Variants in ACOD1 observed in about 807,000 individuals in gnomAD.
The protein encoded by ACOD1 is cis-aconitate decarboxylase.
A neutral mutation model predicts 14.2 loss-of-function variants in ACOD1; 14 were observed. The ratio of observed to expected loss-of-function variants is 0.99; its 90% CI spans 0.65 to 1.54. The LOEUF is 1.54. Among genes scored for constraint, ACOD1 ranks in the 40% most tolerant of loss-of-function variants. The pLI is 0.00. For synonymous variants in ACOD1, 182 were observed against 221.7 expected (o/e 0.82, Z 1.59); for missense variants, 530 against 586.3 (o/e 0.90, Z 0.99).
chr13:76,957,439 G>A lies in ACOD1; in HGVS notation c.900G>A (p.Leu300=). 1 of 1,550,644 alleles carries A rather than the reference G, an allele frequency of 6.4e-7. No homozygotes were observed. Among genetic ancestry groups the A allele is most frequent in the East Asian group, 2.4e-5 (1 of 40,928 alleles). ...AGCACCTTGTAGCAGAGAGAGCCCT[G>A]CTTCCAACTGACTACATTAAGAGAA... ...VRKHLVAERA[L]LPTDYIKRIV... The change falls in exon 5 of 5, where the codon CTG becomes CTA. Residue 300 remains leucine (L), a synonymous_variant. Coordinates refer to ENST00000377462, the MANE Select transcript of ACOD1 (RefSeq NM_001258406.2).
chr13:76,952,381 G>T, intron 1 of ACOD1, 108 bp from the exon 2 acceptor site: 11 of 881,332 alleles, frequency 1.2e-5, no homozygotes, highest in Non-Finnish European at 1.8e-5. Flanking sequence ...TGGGTTTCTT[G>T]TAGTGGAGCA....
In ACOD1 at chr13:76,955,364, C is replaced by T; in HGVS notation, c.310C>T (p.Pro104Ser). The T allele has an allele frequency of 6.4e-7, 1 of 1,550,598 alleles. No individual in the cohort carries two copies. Among genetic ancestry groups the T allele is most frequent in the Non-Finnish European group, 8.7e-7 (1 of 1,146,994 alleles). Residue 104 changes from proline to serine, a missense_variant, in exon 4 of 5, where the codon CCT becomes TCT. Physicochemically the swap from Pro to Ser is moderately conservative, Grantham distance 74. Coordinates refer to ENST00000377462, the MANE Select transcript of ACOD1 (RefSeq NM_001258406.2). The part of the protein sequence containing the change: ...FDDTWHPATH[P>S]SGAVLPVLTA... The stretch of plus-strand genomic sequence containing the variant: ...TGACACGTGGCACCCTGCCACCCAC[C>T]CTTCTGGGGCTGTCCTTCCTGTCCT...
At chr13:76,949,908 A>T (rs866648564) in intron 1 of ACOD1, among the ~76,000 whole-genome samples, 114 of 152,198 alleles carry the variant, frequency 7.5e-4, no homozygotes, top group Middle Eastern at 6.8e-3. Flanking sequence ...TTCCACCCTA[A>T]TCTGAAACCT....
chr13:76,955,339 T>A lies in ACOD1; in HGVS notation c.285T>A (p.Asp95Glu). 1 of 1,550,466 alleles carries A rather than the reference T, an allele frequency of 6.4e-7. No individual in the cohort carries two copies. Among genetic ancestry groups the A allele is most frequent in the South Asian group, 1.2e-5 (1 of 84,060 alleles). Residue 95 changes from aspartate (D) to glutamate (E), a missense_variant, in exon 4 of 5, where the codon GAT becomes GAA. Coordinates refer to ENST00000377462, the MANE Select transcript of ACOD1 (RefSeq NM_001258406.2). ...NGVAIHSMDF[D>E]DTWHPATHPS... ...TACAGATTCACTCCATGGATTTTGATGACACGTGGCACCCTGCCACCCACC... is the reference window on the plus strand; with the variant it reads ...TACAGATTCACTCCATGGATTTTGAAGACACGTGGCACCCTGCCACCCACC...
intron 3 of ACOD1, among the ~76,000 whole-genome samples, chr13:76,955,006 T>C (rs1193418835): frequency 6.6e-6 from 1 of 151,548 alleles, no homozygotes; most frequent in Non-Finnish European, 1.5e-5. Context: ...GGGCACCTGT[T>C]ATCCCAGCTG....
Position 76,957,181 on chromosome 13 carries a change from T to G in ACOD1, c.642T>G (p.Ala214=), listed in dbSNP as rs924868351. The G allele has an allele frequency of 1.9e-6, 3 of 1,550,548 alleles. No individual in the cohort carries two copies. In the African/African-American group the frequency reaches 4.1e-5, roughly 21 times the overall value. ...CCAAGCCCCTCCACATTGGCAATGCTGCCAAGCATGGGATAGAAGCTGCAT... is the reference window on the plus strand; with the variant it reads ...CCAAGCCCCTCCACATTGGCAATGCGGCCAAGCATGGGATAGAAGCTGCAT... The part of the protein sequence containing the change: ...TQTKPLHIGN[A]AKHGIEAAFL... The change falls in exon 5 of 5, where the codon GCT becomes GCG. Residue 214 remains alanine (A), a synonymous_variant. Coordinates refer to ENST00000377462, the MANE Select transcript of ACOD1 (RefSeq NM_001258406.2).
Position 76,958,521 on chromosome 13 carries a change from T to C in ACOD1, c.*536T>C, listed in dbSNP as rs1228074840. 1 of 152,562 alleles carries C rather than the reference T, an allele frequency of 6.6e-6. No homozygotes were observed. The highest frequency in any genetic ancestry group is 1.5e-5 in the Non-Finnish European group (1 of 68,352). The allele number at this position is 152,562 out of a possible 1,614,324, so 9.5% of individuals were successfully genotyped here. A position where few individuals can be genotyped will look rare whatever the true frequency, so the allele number is the denominator to read the frequency against. On this transcript the variant is annotated 3_prime_UTR_variant, in exon 5 of 5. Coordinates refer to ENST00000377462, the MANE Select transcript of ACOD1 (RefSeq NM_001258406.2). ...TAGCCCTCTGCCTCAGTTTCCCTAT[T>C]TGTCAAGCCGAAGTAAAAAGCAGTC...
Position 76,957,936 on chromosome 13 carries a change from T to C in ACOD1, c.1397T>C (p.Val466Ala), listed in dbSNP as rs1288984832. The C allele has an allele frequency of 3.2e-5, 50 of 1,547,734 alleles. No homozygotes were observed. Among genetic ancestry groups the C allele is most frequent in the Non-Finnish European group, 4.1e-5 (47 of 1,146,138 alleles). ...CTCAAAGGACCCTCTCCACCAGAGG[T>C]AGCTTCAAACTCTCCAGCATGTAAT... is the stretch of plus-strand genomic sequence containing the variant. ...TLLKGPSPPEVASNSPACNNS... is the reference protein window; with the variant it reads ...TLLKGPSPPEAASNSPACNNS... The change falls in exon 5 of 5, where the codon GTA (valine) becomes GCA (alanine). Residue 466 changes from valine (V) to alanine (A), a missense_variant. Transcript: ENST00000377462.
intron 1 of ACOD1, among the ~76,000 whole-genome samples, chr13:76,948,967 CAT>C (rs2033795740): frequency 6.6e-6 from 1 of 152,142 alleles, no homozygotes; most frequent in Non-Finnish European, 1.5e-5. Context: ...GTGCTGGACT[CAT>C]AGTAAGAACT....
chr13:76,949,136 A>G (rs1005629766), intron 1 of ACOD1, among the ~76,000 whole-genome samples: 17 of 152,024 alleles, frequency 1.1e-4, no homozygotes, highest in South Asian at 2.1e-4. Flanking sequence ...GCGTGGTGGC[A>G]GGCGCCCGTA....
At position 76,957,855 on chromosome 13, in the gene ACOD1, T is replaced by C; in HGVS notation, c.1316T>C (p.Ile439Thr). The C allele has an allele frequency of 6.4e-7, 1 of 1,551,114 alleles. No individual in the cohort carries two copies. The highest frequency in any genetic ancestry group is 8.7e-7 in the Non-Finnish European group (1 of 1,147,126). Residue 439 changes from isoleucine (I) to threonine (T), a missense_variant, in exon 5 of 5, where the codon ATA becomes ACA. By Grantham distance (89) the Ile-to-Thr change is moderately conservative. Coordinates refer to ENST00000377462, the MANE Select transcript of ACOD1 (RefSeq NM_001258406.2). ...MLSWDTVESL[I>T]KIVKNLEDLE... ...TCCTGGGACACAGTGGAAAGCCTTATAAAGATAGTCAAAAATCTAGAAGAC... is the reference window on the plus strand; with the variant it reads ...TCCTGGGACACAGTGGAAAGCCTTACAAAGATAGTCAAAAATCTAGAAGAC...
At chr13:76,956,288 G>A (rs1253001680) in intron 4 of ACOD1, among the ~76,000 whole-genome samples, 3 of 152,106 alleles carry the variant, frequency 2.0e-5, no homozygotes, top group Non-Finnish European at 2.9e-5. Flanking sequence ...TGCAACCTCC[G>A]CCTCCTGGGT....
At chr13:76,949,228 C>G (rs1171614607) in intron 1 of ACOD1, among the ~76,000 whole-genome samples, 1 of 151,914 alleles carries the variant, frequency 6.6e-6, no homozygotes, top group Non-Finnish European at 1.5e-5. Flanking sequence ...GATCGTGTCA[C>G]TGTACTCCAG....
chr13:76,955,065 T>C (rs1053527929), intron 3 of ACOD1, among the ~76,000 whole-genome samples: 2 of 143,288 alleles, frequency 1.4e-5, no homozygotes, highest in African/African-American at 5.3e-5. Flanking sequence ...AGGCAGAGGT[T>C]GCAGTGAGCC....
At position 76,958,355 on chromosome 13, in the gene ACOD1, G is replaced by A. The variant is rs773176510; in HGVS notation, c.*370G>A. On this transcript the variant is annotated 3_prime_UTR_variant, in exon 5 of 5. Coordinates refer to ENST00000377462, the MANE Select transcript of ACOD1 (RefSeq NM_001258406.2). ...ATTTTCTGACAGTGGAGAGGGCTCT[G>A]GTGCATTGTGTCACCAACAGATCTC... is the stretch of plus-strand genomic sequence containing the variant. 77 of 188,934 alleles carry A rather than the reference G, an allele frequency of 4.1e-4. No individual in the cohort carries two copies. Among genetic ancestry groups the A allele is most frequent in the Non-Finnish European group, 6.1e-4 (56 of 91,258 alleles). The allele number at this position is 188,934 out of a possible 1,614,324, so 11.7% of individuals were successfully genotyped here. A position where few individuals can be genotyped will look rare whatever the true frequency, so the allele number is the denominator to read the frequency against.
intron 1 of ACOD1, 127 bp downstream of exon 1, chr13:76,948,697 G>C (rs2033792785): frequency 1.4e-6 from 1 of 693,962 alleles, no homozygotes; most frequent in African/African-American, 1.8e-5. Context: ...CTTTCAACCT[G>C]TGGGCTACCT....
chr13:76,956,948 G>A (rs1812168672), intron 4 of ACOD1, 62 bp from the exon 5 acceptor site: 9 of 1,475,806 alleles, frequency 6.1e-6, no homozygotes, highest in East Asian at 5.0e-5. Flanking sequence ...TGATGACTAC[G>A]CTATCCTGCC....
rs1363927929 is a variant in ACOD1 at position 76,952,585 on chromosome 13, A to G, written c.109A>G (p.Thr37Ala). 5.2e-6 allele frequency: 8 copies of G among 1,550,180 alleles called. No homozygotes were observed. The East Asian group carries it at 2.0e-4, about 38-fold the overall frequency. The change falls in exon 2 of 5, where the codon ACT (threonine) becomes GCT (alanine). Residue 37 changes from threonine (T) to alanine (A), a missense_variant. Coordinates refer to ENST00000377462, the MANE Select transcript of ACOD1 (RefSeq NM_001258406.2). Reference protein sequence around the residue: ...IQRSKRMILDTLGAGFLGTTT... With the variant: ...IQRSKRMILDALGAGFLGTTT... ...GAGGAGCAAGAGGATGATTCTAGAC[A>G]CTCTGGGTGCTGGGTTCCTGGGAAC...
Position 76,955,300 on chromosome 13 carries a change from T to C in ACOD1, c.265-19T>C. ...GAAAATTTAAGGCTTTTTGTTGCTGTTTGTGTCTGTTTATACAGATTCACT... is the reference window on the plus strand; with the variant it reads ...GAAAATTTAAGGCTTTTTGTTGCTGCTTGTGTCTGTTTATACAGATTCACT... On this transcript the variant is annotated intron_variant, in intron 3 of 4. Transcript: ENST00000377462. 1.3e-6 allele frequency: 2 copies of C among 1,547,172 alleles called. No homozygotes were observed. Among genetic ancestry groups the C allele is most frequent in the African/African-American group, 2.7e-5 (2 of 73,072 alleles).
Sources: allele counts gnomAD v4.1 joint callset (sites outside exome capture counted in the v4.1 genomes callset), GRCh38; gene constraint gnomAD v4.1.1; transcripts MANE v1.5; gene names NCBI Gene and HGNC (gene_info 2026-07-23, HGNC 2026-07-21).